GATA4: variants seen among roughly 807,000 people sequenced by gnomAD.
The protein encoded by GATA4 is GATA binding protein 4, also known as transcription factor GATA-4.
In GATA4, 7 loss-of-function variants were observed where a neutral mutation model predicts 37.9. That is an observed-to-expected ratio of 0.18 (90% CI 0.11 to 0.35). The LOEUF is 0.35. GATA4 is among the 10% of genes least tolerant of loss of function. The pLI, the probability that GATA4 is intolerant of heterozygous loss-of-function variation, is 1.00. For synonymous variants in GATA4, 372 were observed against 292.6 expected (o/e 1.27, Z -2.77); for missense variants, 647 against 653.0 (o/e 0.99, Z 0.10).
upstream of GATA4, among the ~76,000 whole-genome samples, chr8:11,701,057 A>C (rs1799658126): frequency 6.6e-6 from 1 of 152,172 alleles, no homozygotes; most frequent in Non-Finnish European, 1.5e-5. Flanking sequence ...TGTACACAAT[A>C]CGCAGCGTAC....
chr8:11,710,648 C>G (rs1800137949), intron 2 of GATA4, among the ~76,000 whole-genome samples: 1 of 141,330 alleles, frequency 7.1e-6, no homozygotes, highest in Non-Finnish European at 1.5e-5. Context: ...CGAGATCGCG[C>G]CACTGCACTC....
At chr8:11,721,130 A>T (rs955626370) in intron 2 of GATA4, among the ~76,000 whole-genome samples, 6 of 151,672 alleles carry the variant, frequency 4.0e-5, no homozygotes, top group Admixed American at 3.9e-4. Flanking sequence ...GGGGCAGGGG[A>T]TCTGAAGCGC....
chr8:11,689,546 T>G (rs1799245876), upstream of GATA4, among the ~76,000 whole-genome samples: 1 of 152,192 alleles, frequency 6.6e-6, no homozygotes, highest in African/African-American at 2.4e-5. Flanking sequence ...CACAAGACCA[T>G]TAGGAAGATA....
intron 1 of GATA4, among the ~76,000 whole-genome samples, chr8:11,694,179 A>G (rs1278713116): frequency 6.6e-6 from 1 of 152,166 alleles, no homozygotes; most frequent in Non-Finnish European, 1.5e-5. Context: ...TTGTATCTAC[A>G]AGTTTGCATG....
chr8:11,690,863 CCTGT>C (rs1474319236), upstream of GATA4, among the ~76,000 whole-genome samples: 2 of 152,134 alleles, frequency 1.3e-5, no homozygotes, highest in African/African-American at 2.4e-5. Context: ...AGGGAAACAC[CCTGT>C]CTGTCTCTCT....
chr8:11,686,993 G>A (rs1301502888), intron 1 of GATA4, among the ~76,000 whole-genome samples: 64 of 142,778 alleles, frequency 4.5e-4, no homozygotes, highest in Admixed American at 4.3e-4. Context: ...GTGAGAATCC[G>A]TTTCAAAAAA....
At chr8:11,721,477 T>C (rs1800674366) in intron 2 of GATA4, among the ~76,000 whole-genome samples, 1 of 151,788 alleles carries the variant, frequency 6.6e-6, no homozygotes, top group South Asian at 2.1e-4. Flanking sequence ...CTGTTGGTTT[T>C]GTTTTGCACC....
Position 11,708,837 on chromosome 8 carries a change from A to C in GATA4, c.525A>C (p.Ala175=), listed in dbSNP as rs1357024509. The C allele has an allele frequency of 2.0e-6, 3 of 1,495,360 alleles. No individual in the cohort carries two copies. In the East Asian group the frequency reaches 8.2e-5, roughly 41 times the overall value. The allele number at this position is 1,495,360 out of a possible 1,614,324, so 92.6% of individuals were successfully genotyped here. Reference sequence around the variant, plus strand: ...CCGACGTGGGCGCGTCCTGGGCCGCAGCCGCCGCCGCCTCCGCCGGCCCCT... The same window carrying C: ...CCGACGTGGGCGCGTCCTGGGCCGCCGCCGCCGCCGCCTCCGCCGGCCCCT... ...YMADVGASWA[A]AAAASAGPFD... The change falls in exon 2 of 7, where the codon GCA becomes GCC. Residue 175 remains alanine (A), a synonymous_variant. Coordinates refer to ENST00000532059, the MANE Select transcript of GATA4 (RefSeq NM_001308093.3). The surrounding 1 kb of genome is among the most constrained non-coding windows in gnomAD (Gnocchi z 6.7).
At chr8:11,692,041 T>C, upstream of GATA4, 1 of 985,388 alleles carries the variant, frequency 1.0e-6, no homozygotes, top group Non-Finnish European at 1.2e-6. Context: ...ATCCTCACCT[T>C]AGTGTCACCA....
intron 2 of GATA4, among the ~76,000 whole-genome samples, chr8:11,744,426 A>G (rs923227358): frequency 2.0e-5 from 3 of 152,198 alleles, no homozygotes; most frequent in Non-Finnish European, 4.4e-5. Context: ...CCGGGATGCC[A>G]GCACTGGGTG....
At chr8:11,755,965 T>G (rs1425826884) in intron 5 of GATA4, among the ~76,000 whole-genome samples, 3 of 150,570 alleles carry the variant, frequency 2.0e-5, no homozygotes, top group East Asian at 3.9e-4. Flanking sequence ...TTTTTTAAAT[T>G]TATTTTTAAT....
chr8:11,752,510 A>G (rs949919549), intron 4 of GATA4, among the ~76,000 whole-genome samples: 2 of 152,226 alleles, frequency 1.3e-5, no homozygotes, highest in African/African-American at 4.8e-5. Context: ...TGAGAACAGT[A>G]TGGGAGAAAC....
intron 2 of GATA4, among the ~76,000 whole-genome samples, chr8:11,727,024 C>A (rs1800958728): frequency 6.6e-6 from 1 of 151,542 alleles, no homozygotes; most frequent in Non-Finnish European, 1.5e-5. Context: ...TCCTGGAGAG[C>A]CCCTTGAGGC....
chr8:11,699,775 G>A (rs1472947283), upstream of GATA4, among the ~76,000 whole-genome samples: 1 of 152,244 alleles, frequency 6.6e-6, no homozygotes, highest in African/African-American at 2.4e-5. Flanking sequence ...CAGCAAAAAT[G>A]TTCAGAGATT....
At position 11,709,576 on chromosome 8, in the gene GATA4, G is replaced by GGC. The variant is rs981009610; in HGVS notation, c.616+649_616+650insCG. ...CGCGTGGGCGCATCATGCGGGCAGC[G>GGC]GGGGGGGGGGCGCACACGCCCGGTC... is the stretch of plus-strand genomic sequence containing the variant. On this transcript the variant is annotated intron_variant, in intron 2 of 6. Coordinates refer to ENST00000532059, the MANE Select transcript of GATA4 (RefSeq NM_001308093.3). This position sits in a 1 kb window ranked among gnomAD's most constrained non-coding sequence, Gnocchi z 4.3. Among the ~76,000 whole-genome samples the GGC allele has an allele frequency of 2.4e-5, 1 of 41,646 alleles. No individual in the cohort carries two copies. Among genetic ancestry groups the GGC allele is most frequent in the Admixed American group, 3.6e-4 (1 of 2,804 alleles). The allele number at this position is 41,646 out of a possible 152,430, so 27.3% of individuals were successfully genotyped here. A position where few individuals can be genotyped will look rare whatever the true frequency, so the allele number is the denominator to read the frequency against.
intron 1 of GATA4, chr8:11,694,616 A>G (rs1799449958): frequency 4.9e-6 from 3 of 611,640 alleles, no homozygotes; most frequent in African/African-American, 4.0e-5. Flanking sequence ...AGGAAACACA[A>G]TATTTTGTGG....
chr8:11,755,943 C>T (rs868755106), intron 5 of GATA4, among the ~76,000 whole-genome samples: 7 of 148,964 alleles, frequency 4.7e-5, no homozygotes, highest in South Asian at 2.1e-4. Flanking sequence ...TTAAAAAGAA[C>T]GAGGGCTGTT....
chr8:11,749,065 A>G lies in GATA4; in HGVS notation c.766A>G (p.Ile256Val), dbSNP rs914253048. The G allele has an allele frequency of 6.2e-7, 1 of 1,614,234 alleles. No homozygotes were observed. Among genetic ancestry groups the G allele is most frequent in the Non-Finnish European group, 8.5e-7 (1 of 1,180,038 alleles). Residue 256 changes from isoleucine (I) to valine (V), a missense_variant, in exon 3 of 7, where the codon ATC becomes GTC. Physicochemically the swap from Ile to Val is conservative, Grantham distance 29. Around this residue, in one of 5 missense-constraint regions of GATA4, gnomAD observed 56 missense variants for 64.5 expected, o/e 0.87. Coordinates refer to ENST00000532059, the MANE Select transcript of GATA4 (RefSeq NM_001308093.3). This position sits in a 1 kb window ranked among gnomAD's most constrained non-coding sequence, Gnocchi z 4.6. ...HKMNGINRPL[I>V]KPQRRLSASR... The stretch of plus-strand genomic sequence containing the variant: ...GATGAACGGCATCAACCGGCCGCTC[A>G]TCAAGCCTCAGCGCCGGCTGGTAAG...
intron 1 of GATA4, among the ~76,000 whole-genome samples, chr8:11,684,290 T>C (rs1799070306): frequency 6.6e-6 from 1 of 152,252 alleles, no homozygotes; most frequent in Non-Finnish European, 1.5e-5. Context: ...TTCTAGATTC[T>C]AGTTCCCACA....
Sources: allele counts gnomAD v4.1 joint callset (sites outside exome capture counted in the v4.1 genomes callset), GRCh38; gene constraint gnomAD v4.1.1; regional missense constraint gnomAD v4.1.1; non-coding constraint Gnocchi (gnomAD v3.1); transcripts MANE v1.5; gene names NCBI Gene and HGNC (gene_info 2026-07-23, HGNC 2026-07-21).